The following SLCO5A1 variants were observed in gnomAD, a reference collection of about 807,000 sequenced individuals.
SLCO5A1 encodes the protein organic anion transporter polypeptide-related protein 4.
In SLCO5A1, 39 loss-of-function variants were observed where a neutral mutation model predicts 65.1. The observed-to-expected ratio is 0.60, with a 90% CI of 0.46 to 0.78. SLCO5A1 has a LOEUF of 0.78. Ranked by LOEUF, SLCO5A1 falls within the 30% of genes least tolerant of loss-of-function variation. The pLI is 0.00. For missense variants in SLCO5A1, 1,029 were observed against 1,069.4 expected, an observed-to-expected ratio of 0.96 and a Z score of 0.53; for synonymous variants, 438 against 415.7, an observed-to-expected ratio of 1.05 and a Z score of -0.65.
At chr8:69,684,781 T>C (rs1813936065) in intron 6 of SLCO5A1, among the ~76,000 whole-genome samples, 1 of 142,918 alleles carries the variant, frequency 7.0e-6, no homozygotes, top group African/African-American at 2.7e-5. Context: ...TCTTGAATTC[T>C]TTCCTGTGCA....
chr8:69,761,620 C>G (rs747874103), intron 3 of SLCO5A1, 123 bp downstream of exon 3: 5 of 1,032,636 alleles, frequency 4.8e-6, no homozygotes, highest in African/African-American at 1.6e-5. Flanking sequence ...CCTGTCACCC[C>G]TTCCCAGGCA....
chr8:69,691,285 T>C (rs1289239578), intron 6 of SLCO5A1, among the ~76,000 whole-genome samples: 2 of 152,216 alleles, frequency 1.3e-5, no homozygotes, highest in Non-Finnish European at 1.5e-5. Context: ...TCTCACGATC[T>C]TTCAAAATGA....
Position 69,671,927 on chromosome 8 carries a change from T to G in SLCO5A1, c.*942A>C, listed in dbSNP as rs1182760592. On this transcript the variant is annotated 3_prime_UTR_variant, in exon 10 of 10. Coordinates refer to ENST00000260126, the MANE Select transcript of SLCO5A1 (RefSeq NM_030958.3). ...CACAGATTTGCCAGTGCTTTCAAGA[T>G]GTAACTAAAATACTCAGGTGGGACT... The G allele has an allele frequency of 2.6e-5, 4 of 152,306 alleles. No homozygotes were observed. In the East Asian group the frequency reaches 7.7e-4, roughly 29 times the overall value. The allele number at this position is 152,306 out of a possible 1,614,324, so 9.4% of individuals were successfully genotyped here.
chr8:69,784,811 A>AAAAGAAAGAAAGAAAG (rs56110450), intron 2 of SLCO5A1, among the ~76,000 whole-genome samples: 5,761 of 70,774 alleles, frequency 0.081, 378 homozygotes, highest in Middle Eastern at 0.14. Flanking sequence ...GAAAGAAAGA[A>AAAAGAAAGAAAGAAAG]AAAGAAAGAA....
intron 4 of SLCO5A1, among the ~76,000 whole-genome samples, 181 bp from the exon 5 acceptor site, chr8:69,738,385 T>G (rs1041693348): frequency 1.7e-5 from 2 of 117,576 alleles, no homozygotes; most frequent in Admixed American, 7.8e-5. Context: ...TTTTCTTTTG[T>G]TTTTTTTTTT....
intron 2 of SLCO5A1, among the ~76,000 whole-genome samples, chr8:69,763,260 G>A (rs1419871802): frequency 6.6e-6 from 1 of 151,588 alleles, no homozygotes; most frequent in Admixed American, 6.6e-5. Context: ...AGAGAGCCAA[G>A]ATAACGCCAT....
intron 4 of SLCO5A1, among the ~76,000 whole-genome samples, chr8:69,753,096 C>T (rs979361717): frequency 2.0e-5 from 3 of 152,158 alleles, no homozygotes; most frequent in Admixed American, 2.0e-4. Flanking sequence ...TTTGAACTTG[C>T]ATATCTAAGT....
chr8:69,726,622 C>T (rs1023751087), intron 5 of SLCO5A1, among the ~76,000 whole-genome samples: 1 of 151,952 alleles, frequency 6.6e-6, no homozygotes, highest in African/African-American at 2.4e-5. Context: ...ACCTCAGCCT[C>T]CTGAGTAGCT....
chr8:69,708,634 G>A (rs1244201611), intron 5 of SLCO5A1, among the ~76,000 whole-genome samples: 1 of 151,644 alleles, frequency 6.6e-6, no homozygotes, highest in East Asian at 1.9e-4. Flanking sequence ...GACAGGCATG[G>A]GGCTCATGCC....
intron 2 of SLCO5A1, among the ~76,000 whole-genome samples, chr8:69,813,756 G>A (rs1348352445): frequency 6.6e-6 from 1 of 152,098 alleles, no homozygotes; most frequent in Non-Finnish European, 1.5e-5. Flanking sequence ...CAGAACCAAA[G>A]TACTAGAACA....
intron 4 of SLCO5A1, among the ~76,000 whole-genome samples, chr8:69,752,303 A>G (rs994667883): frequency 1.3e-5 from 2 of 152,206 alleles, no homozygotes; most frequent in Non-Finnish European, 2.9e-5. Context: ...ATAGAAGGGA[A>G]AAAAGGATCT....
In SLCO5A1 at chr8:69,733,947, A is replaced by G. The variant is rs560029986; in HGVS notation, c.1423+4093T>C. ...AATACCAACTTCATAATATTTAACT[A>G]CTTTCAAGAGATAGATGTGACCCCA... On this transcript the variant is annotated intron_variant, in intron 5 of 9. Coordinates refer to ENST00000260126, the MANE Select transcript of SLCO5A1 (RefSeq NM_030958.3). Among the ~76,000 whole-genome samples, 6 of 152,296 alleles carry G rather than the reference A, an allele frequency of 3.9e-5. No homozygotes were observed. In the South Asian group the frequency reaches 1.0e-3, roughly 26 times the overall value.
intron 2 of SLCO5A1, among the ~76,000 whole-genome samples, chr8:69,769,367 A>G (rs1270970139): frequency 6.6e-6 from 1 of 152,158 alleles, no homozygotes; most frequent in Non-Finnish European, 1.5e-5. Flanking sequence ...ACTTTTCTGA[A>G]TCTGCCCCAA....
At chr8:69,825,167 T>C (rs1820817433) in intron 2 of SLCO5A1, among the ~76,000 whole-genome samples, 2 of 152,158 alleles carry the variant, frequency 1.3e-5, no homozygotes, top group Admixed American at 6.5e-5. Context: ...CCACAGCCAA[T>C]ATCATACTGA....
intron 2 of SLCO5A1, among the ~76,000 whole-genome samples, chr8:69,825,173 A>G (rs1205017517): frequency 6.6e-6 from 1 of 152,236 alleles, no homozygotes; most frequent in African/African-American, 2.4e-5. Flanking sequence ...CCAATATCAT[A>G]CTGAATGGGC....
intron 2 of SLCO5A1, among the ~76,000 whole-genome samples, chr8:69,781,188 GTACTTTC>G (rs1397940642): frequency 1.3e-5 from 2 of 152,234 alleles, no homozygotes; most frequent in African/African-American, 2.4e-5. Context: ...GTGACACACT[GTACTTTC>G]CAGGCACTTG....
At chr8:69,681,908 T>C (rs1813793874) in intron 7 of SLCO5A1, among the ~76,000 whole-genome samples, 1 of 152,106 alleles carries the variant, frequency 6.6e-6, no homozygotes, top group Non-Finnish European at 1.5e-5. Flanking sequence ...GAGCTCAACC[T>C]TATCAAGTTT....
Position 69,682,184 on chromosome 8 carries a change from C to G in SLCO5A1, c.1782G>C (p.Gly594=), listed in dbSNP as rs953818391. ...AGAGGAACTTGTGAAATATACTCAC[C>G]CCAGTGCTAAGATTACCACTATTAA... ...GCVNSGNLST[G]IRNYTECTCV... The change falls in exon 7 of 10, where the codon GGG becomes GGC. Residue 594 remains glycine, a splice_region_variant and synonymous_variant. Transcript: ENST00000260126. The G allele has an allele frequency of 1.9e-6, 3 of 1,607,126 alleles. No homozygotes were observed. Among genetic ancestry groups the G allele is most frequent in the Admixed American group, 3.4e-5 (2 of 58,714 alleles).
chr8:69,742,292 T>G (rs932281081), intron 4 of SLCO5A1, among the ~76,000 whole-genome samples: 2 of 152,174 alleles, frequency 1.3e-5, no homozygotes, highest in East Asian at 3.8e-4. Flanking sequence ...AATACTTAAT[T>G]TTTATGCTAC....
Sources: gnomAD v4.1 joint callset for allele counts (sites outside exome capture counted in the v4.1 genomes callset) on GRCh38, gnomAD v4.1.1 for gene constraint, MANE v1.5 for transcripts, NCBI Gene and HGNC (gene_info 2026-07-23, HGNC 2026-07-21) for gene names.